SMARCA2: variants seen among roughly 807,000 people sequenced by gnomAD.
The protein encoded by SMARCA2 is SWI/SNF related BAF chromatin remodeling complex subunit ATPase 2.
A neutral mutation model predicts 199.8 loss-of-function variants in SMARCA2; 61 were observed. That is an observed-to-expected ratio of 0.31 (90% CI 0.25 to 0.38). The LOEUF (loss-of-function observed/expected upper bound fraction) is 0.38, where lower values mean the gene tolerates loss of function less well. Among genes scored for constraint, SMARCA2 ranks in the 10% least tolerant of loss-of-function variants. The pLI is 1.00. For synonymous variants in SMARCA2, 935 were observed against 732.0 expected (o/e 1.28, Z -4.48); for missense variants, 1,344 against 2,012.2 (o/e 0.67, Z 6.35).
chr9:2,069,372 C>T (rs557373890), intron 9 of SMARCA2, among the ~76,000 whole-genome samples: 16 of 151,266 alleles, frequency 1.1e-4, no homozygotes, highest in Middle Eastern at 6.8e-3. Context: ...GTGGCTAACA[C>T]GGTGAAACCC....
At chr9:2,015,690 G>C (rs1818324271) in intron 1 of SMARCA2, among the ~76,000 whole-genome samples, 1 of 152,152 alleles carries the variant, frequency 6.6e-6, no homozygotes, top group Non-Finnish European at 1.5e-5. Context: ...GAACCTTGCT[G>C]TTCTAATAAT....
intron 2 of SMARCA2, among the ~76,000 whole-genome samples, chr9:2,031,986 C>T (rs1819093009): frequency 6.6e-6 from 1 of 152,170 alleles, no homozygotes; most frequent in Non-Finnish European, 1.5e-5. Context: ...GACTCAGTGA[C>T]ACTCTTTATA....
At position 2,090,382 on chromosome 9, in the gene SMARCA2, A is replaced by T. The variant is rs901852087; in HGVS notation, c.2883+1769A>T. 2.0e-5 allele frequency among the ~76,000 whole-genome samples: 3 copies of T among 152,144 alleles called. 1 individual carries two copies. Among genetic ancestry groups the T allele is most frequent in the Admixed American group, 1.3e-4 (2 of 15,278 alleles). Reference sequence around the variant, plus strand: ...CTGTACCTTTAAAGGCAGCCATGTTATCTTTTCCTTTGGTGGAGTGGAAAT... The same window carrying T: ...CTGTACCTTTAAAGGCAGCCATGTTTTCTTTTCCTTTGGTGGAGTGGAAAT... On this transcript the variant is annotated intron_variant, in intron 19 of 33. Coordinates refer to ENST00000349721, the MANE Select transcript of SMARCA2 (RefSeq NM_003070.5).
At chr9:2,040,954 AC>A in intron 4 of SMARCA2, 1 of 160,056 alleles carries the variant, frequency 6.2e-6, no homozygotes, top group African/African-American at 2.4e-5. Flanking sequence ...TCTAATGAAA[AC>A]TTTGGATTCT....
chr9:2,060,722 CA>C lies in SMARCA2; in HGVS notation c.1522-90del. On this transcript the variant is annotated intron_variant, in intron 8 of 33. Coordinates refer to ENST00000349721, the MANE Select transcript of SMARCA2 (RefSeq NM_003070.5). ...TCCAGTTTGCTACACTCCTACCAGT[CA>C]AAATGCAGACTGTCAAGGGGAGGAC... 2.4e-6 allele frequency: 3 copies of C among 1,230,330 alleles called. No individual in the cohort carries two copies. In the Admixed American group the frequency reaches 5.7e-5, roughly 24 times the overall value. 76.2% of individuals were successfully genotyped at this position (1,230,330 alleles called of 1,614,324 possible).
intron 3 of SMARCA2, among the ~76,000 whole-genome samples, chr9:2,034,134 A>G (rs1312254258): frequency 6.6e-6 from 1 of 150,946 alleles, no homozygotes; most frequent in Non-Finnish European, 1.5e-5. Context: ...AGTCTCAGCT[A>G]CTTGGGAGGC....
intron 23 of SMARCA2, among the ~76,000 whole-genome samples, chr9:2,105,144 T>C (rs1822695816): frequency 6.6e-6 from 1 of 152,238 alleles, no homozygotes; most frequent in Admixed American, 6.5e-5. Context: ...GTTCTCTGAC[T>C]TAAGGTTTTA....
intron 27 of SMARCA2, among the ~76,000 whole-genome samples, chr9:2,124,555 G>A (rs1177072732): frequency 6.6e-6 from 1 of 152,144 alleles, no homozygotes; most frequent in Non-Finnish European, 1.5e-5. Flanking sequence ...GAATCGGTGG[G>A]TGCTTATGTG....
At chr9:2,073,033 C>T (rs913606134) in intron 10 of SMARCA2, 179 bp from the exon 11 acceptor site, 4 of 638,036 alleles carry the variant, frequency 6.3e-6, no homozygotes, top group Non-Finnish European at 1.1e-5. Flanking sequence ...GCAGCATTTT[C>T]AGTTTCTTTA....
At chr9:2,092,498 A>G (rs1264351263) in intron 19 of SMARCA2, among the ~76,000 whole-genome samples, 1 of 152,222 alleles carries the variant, frequency 6.6e-6, no homozygotes, top group African/African-American at 2.4e-5. Context: ...GATATATCGC[A>G]TGTAGTTTAG....
chr9:2,057,614 GC>G (rs1563737910), intron 7 of SMARCA2, among the ~76,000 whole-genome samples: 1 of 152,140 alleles, frequency 6.6e-6, no homozygotes, highest in African/African-American at 2.4e-5. Context: ...TCTCTGAAGG[GC>G]CTAGTTGAAT....
At chr9:2,189,267 T>A (rs1324291034) in intron 32 of SMARCA2, among the ~76,000 whole-genome samples, 1 of 152,190 alleles carries the variant, frequency 6.6e-6, no homozygotes, top group Non-Finnish European at 1.5e-5. Flanking sequence ...CTTAGGAAGC[T>A]GTTTATAGGG....
intron 14 of SMARCA2, among the ~76,000 whole-genome samples, chr9:2,078,218 T>C (rs1821410234): frequency 6.6e-6 from 1 of 152,206 alleles, no homozygotes; most frequent in Non-Finnish European, 1.5e-5. Flanking sequence ...ACTCTTGTAA[T>C]CCTATCACTT....
At chr9:2,103,661 T>A (rs58480717) in intron 22 of SMARCA2, among the ~76,000 whole-genome samples, 2,560 of 142,284 alleles carry the variant, frequency 0.018, 68 homozygotes, top group African/African-American at 0.061. Context: ...TGTGTGTGTG[T>A]GAGAGAGAGA....
At chr9:2,112,723 G>A (rs1343324257) in intron 24 of SMARCA2, among the ~76,000 whole-genome samples, 1 of 152,120 alleles carries the variant, frequency 6.6e-6, no homozygotes. Context: ...AAACTGAGCT[G>A]ACCAGATTTT....
chr9:2,162,290 G>A (rs1825722294), intron 28 of SMARCA2, among the ~76,000 whole-genome samples: 1 of 151,980 alleles, frequency 6.6e-6, no homozygotes, highest in South Asian at 2.1e-4. Flanking sequence ...ATATATTTAA[G>A]GTAAATATTT....
chr9:2,116,066 CAA>C lies in SMARCA2; in HGVS notation c.3684+18_3684+19del. The C allele has an allele frequency of 6.4e-7, 1 of 1,568,994 alleles. No homozygotes were observed. Among genetic ancestry groups the C allele is most frequent in the Non-Finnish European group, 8.8e-7 (1 of 1,140,568 alleles). ...GAAAATGAGGTATTAGAGAAAACCCCAAGTTTATGAAATCAAACAGTGGCCTT... is the reference window on the plus strand; with the variant it reads ...GAAAATGAGGTATTAGAGAAAACCCCGTTTATGAAATCAAACAGTGGCCTT... On this transcript the variant is annotated intron_variant, in intron 25 of 33. Transcript: ENST00000349721.
intron 2 of SMARCA2, among the ~76,000 whole-genome samples, chr9:2,031,550 T>C (rs1481140701): frequency 6.6e-6 from 1 of 152,266 alleles, no homozygotes; most frequent in Non-Finnish European, 1.5e-5. Context: ...GTCAGTGTTA[T>C]GTTTTTCTCC....
At chr9:2,144,499 G>A (rs113059957) in intron 27 of SMARCA2, among the ~76,000 whole-genome samples, 5,368 of 152,228 alleles carry the variant, frequency 0.035, 92 homozygotes, top group Non-Finnish European at 0.045. Flanking sequence ...ACAAGGTCAT[G>A]TTTGAAGCCA....
Sources: gnomAD v4.1 joint callset for allele counts (sites outside exome capture counted in the v4.1 genomes callset) on GRCh38, gnomAD v4.1.1 for gene constraint, MANE v1.5 for transcripts, NCBI Gene and HGNC (gene_info 2026-07-23, HGNC 2026-07-21) for gene names.